LHFPL1: variants seen among roughly 807,000 people sequenced by gnomAD.
LHFPL1 encodes LHFPL tetraspan subfamily member 1, also known as LHFPL tetraspan subfamily member 1 protein.
LHFPL1 carries 4 observed loss-of-function variants against 12.1 expected under a neutral mutation model. The ratio of observed to expected loss-of-function variants is 0.33; its 90% CI spans 0.16 to 0.76. The LOEUF (loss-of-function observed/expected upper bound fraction) is 0.76, where lower values mean the gene tolerates loss of function less well. Among genes scored for constraint, LHFPL1 ranks in the 30% least tolerant of loss-of-function variants. LHFPL1 has a pLI of 0.61. For synonymous variants in LHFPL1, 52 were observed against 61.9 expected (o/e 0.84, Z 0.75); for missense variants, 141 against 174.1 (o/e 0.81, Z 1.07).
intron 3 of LHFPL1, among the ~76,000 whole-genome samples, chrX:112,634,037 G>A (rs2147694774): frequency 8.9e-6 from 1 of 111,803 alleles, no homozygotes; most frequent in African/African-American, 3.2e-5. Context: ...GGAATTCACA[G>A]AGTGAAAACT....
chrX:112,654,001 G>C (rs929276056), intron 3 of LHFPL1, among the ~76,000 whole-genome samples: 11 of 111,975 alleles, frequency 9.8e-5, no homozygotes, highest in African/African-American at 3.6e-4. Flanking sequence ...GGAGGCTATG[G>C]GACATCAGGC....
intron 1 of LHFPL1, among the ~76,000 whole-genome samples, chrX:112,672,683 A>G (rs1931545217): frequency 9.0e-6 from 1 of 110,967 alleles, no homozygotes; most frequent in Non-Finnish European, 1.9e-5. Flanking sequence ...CACATTGCCA[A>G]TTTTAGACAC....
intron 2 of LHFPL1, among the ~76,000 whole-genome samples, chrX:112,668,401 T>G (rs1931397321): frequency 8.9e-6 from 1 of 112,452 alleles, no homozygotes; most frequent in African/African-American, 3.2e-5. Flanking sequence ...AATTGGCTGG[T>G]GTTACAGATG....
chrX:112,640,734 A>G (rs1930478453), intron 3 of LHFPL1, among the ~76,000 whole-genome samples: 1 of 111,312 alleles, frequency 9.0e-6, no homozygotes, highest in Non-Finnish European at 1.9e-5. Flanking sequence ...GTCTTAGCGT[A>G]ACAACAGTAA....
At chrX:112,657,099 G>C (rs954360673) in intron 3 of LHFPL1, among the ~76,000 whole-genome samples, 2 of 112,011 alleles carry the variant, frequency 1.8e-5, no homozygotes, top group African/African-American at 6.5e-5. Flanking sequence ...AGTATGTTGG[G>C]GGACCATCTT....
intron 1 of LHFPL1, 171 bp from the exon 2 acceptor site, chrX:112,671,575 TG>T: frequency 9.3e-7 from 1 of 1,072,725 alleles, no homozygotes; most frequent in Non-Finnish European, 1.2e-6. Flanking sequence ...TGGATCCCTG[TG>T]GGATTTTGCT....
At chrX:112,649,988 A>AAAAG (rs1556060984) in intron 3 of LHFPL1, among the ~76,000 whole-genome samples, 4 of 108,548 alleles carry the variant, frequency 3.7e-5, no homozygotes, top group African/African-American at 6.8e-5. Context: ...GAAAAAAAAA[A>AAAAG]AAGTATATAG....
At chrX:112,674,405 C>A (rs1931597953) in intron 1 of LHFPL1, among the ~76,000 whole-genome samples, 1 of 111,135 alleles carries the variant, frequency 9.0e-6, no homozygotes, top group South Asian at 3.8e-4. Context: ...GACCAAGAAC[C>A]CAAAAGCAAA....
At chrX:112,637,477 A>G (rs953931456) in intron 3 of LHFPL1, among the ~76,000 whole-genome samples, 2 of 111,665 alleles carry the variant, frequency 1.8e-5, no homozygotes, top group Non-Finnish European at 3.8e-5. Flanking sequence ...GTGGGCATCA[A>G]AATTATGGAC....
chrX:112,661,669 G>A (rs1287465476), intron 2 of LHFPL1: 1 of 111,873 alleles, frequency 8.9e-6, no homozygotes, highest in African/African-American at 3.3e-5. Context: ...CTGGTCTGAA[G>A]GTAGTGAGTT....
intron 2 of LHFPL1, among the ~76,000 whole-genome samples, chrX:112,666,328 T>C (rs1931332726): frequency 9.0e-6 from 1 of 111,278 alleles, no homozygotes; most frequent in Non-Finnish European, 1.9e-5. Context: ...CCATTCATTC[T>C]ACCCCATATT....
chrX:112,647,958 ATG>A (rs1307301234), intron 3 of LHFPL1, among the ~76,000 whole-genome samples: 2 of 111,875 alleles, frequency 1.8e-5, no homozygotes, highest in Non-Finnish European at 3.8e-5. Flanking sequence ...GATAAAGAAA[ATG>A]TGGCACATAT....
chrX:112,637,919 C>T (rs1029112393), intron 3 of LHFPL1, among the ~76,000 whole-genome samples: 2 of 111,683 alleles, frequency 1.8e-5, no homozygotes, highest in East Asian at 2.8e-4. Context: ...GCTAGGACCC[C>T]GGATTATGGT....
At chrX:112,647,195 C>T (rs186644693) in intron 3 of LHFPL1, among the ~76,000 whole-genome samples, 10 of 111,925 alleles carry the variant, frequency 8.9e-5, no homozygotes, top group African/African-American at 3.2e-4. Context: ...AGCTGTGTCT[C>T]ATTAGAGACC....
intron 3 of LHFPL1, among the ~76,000 whole-genome samples, chrX:112,640,068 A>G (rs1489371423): frequency 9.0e-6 from 1 of 111,682 alleles, no homozygotes; most frequent in Non-Finnish European, 1.9e-5. Flanking sequence ...TAAATAAGTC[A>G]GTTACTGGAA....
intron 3 of LHFPL1, among the ~76,000 whole-genome samples, chrX:112,638,179 T>A (rs990975274): frequency 8.9e-6 from 1 of 111,735 alleles, no homozygotes; most frequent in Middle Eastern, 4.2e-3. Context: ...TGTTTTTTCG[T>A]CTAATATACT....
At chrX:112,660,091 C>A (rs1931133180) in intron 3 of LHFPL1, among the ~76,000 whole-genome samples, 1 of 112,262 alleles carries the variant, frequency 8.9e-6, no homozygotes, top group South Asian at 3.7e-4. Context: ...CAATAGTGAA[C>A]CTGAGACATT....
At chrX:112,660,974 C>G (rs1281539224) in intron 2 of LHFPL1, among the ~76,000 whole-genome samples, 2 of 111,930 alleles carry the variant, frequency 1.8e-5, no homozygotes, top group Non-Finnish European at 3.8e-5. Context: ...ATGAGACAGG[C>G]CAATATACTT....
intron 1 of LHFPL1, among the ~76,000 whole-genome samples, chrX:112,677,929 T>C (rs1320324683): frequency 1.8e-5 from 2 of 110,501 alleles, no homozygotes; most frequent in East Asian, 5.7e-4. Context: ...TTCCCTCCTT[T>C]TTTAGTTTGG....
Sources: gnomAD v4.1 joint callset for allele counts (sites outside exome capture counted in the v4.1 genomes callset) on GRCh38, gnomAD v4.1.1 for gene constraint, MANE v1.5 for transcripts, NCBI Gene and HGNC (gene_info 2026-07-23, HGNC 2026-07-21) for gene names.